The following ANTXR1 variants were observed in gnomAD, a reference collection of about 807,000 sequenced individuals.
ANTXR1 encodes the protein ANTXR cell adhesion molecule 1.
Under a neutral mutation model 78.1 loss-of-function variants are expected in ANTXR1, and 19 were observed. That is an observed-to-expected ratio of 0.24 (90% CI 0.17 to 0.36). The LOEUF is 0.36. Ranked by LOEUF, ANTXR1 falls within the 10% of genes least tolerant of loss-of-function variation. The pLI is 1.00. For missense variants in ANTXR1, 518 were observed against 718.6 expected, an observed-to-expected ratio of 0.72 and a Z score of 3.19; for synonymous variants, 273 against 260.5, an observed-to-expected ratio of 1.05 and a Z score of -0.46.
chr2:69,145,734 A>C, intron 12 of ANTXR1: 7 of 1,048,946 alleles, frequency 6.7e-6, no homozygotes, highest in Non-Finnish European at 8.0e-6. Flanking sequence ...TCTCCATTCT[A>C]TCCTCCTCCC....
chr2:69,131,860 CA>C (rs1211424470), intron 12 of ANTXR1, among the ~76,000 whole-genome samples: 1 of 152,116 alleles, frequency 6.6e-6, no homozygotes, highest in African/African-American at 2.4e-5. Flanking sequence ...CATAATTTAA[CA>C]GGGGAAAAAA....
chr2:69,211,497 C>T (rs1438549976), intron 17 of ANTXR1, among the ~76,000 whole-genome samples: 2 of 152,238 alleles, frequency 1.3e-5, no homozygotes, highest in Non-Finnish European at 2.9e-5. Context: ...GTTCCCACTG[C>T]CTGCCCACAC....
chr2:69,061,732 T>C lies in ANTXR1; in HGVS notation c.297-8915T>C, dbSNP rs558918664. On this transcript the variant is annotated intron_variant, in intron 3 of 17. Coordinates refer to ENST00000303714, the MANE Select transcript of ANTXR1 (RefSeq NM_032208.3). ...AAATAGGTCAGTAGCTAGAGGGAGATGTGGGATCAAAGAGGACTTTAAAAA... is the reference window on the plus strand; with the variant it reads ...AAATAGGTCAGTAGCTAGAGGGAGACGTGGGATCAAAGAGGACTTTAAAAA... 4.5e-4 allele frequency among the ~76,000 whole-genome samples: 69 copies of C among 152,090 alleles called. 1 individual carries two copies. The highest frequency in any genetic ancestry group is 4.5e-3 in the Admixed American group (69 of 15,262).
chr2:69,189,861 A>G (rs971357509), intron 16 of ANTXR1, among the ~76,000 whole-genome samples: 3 of 152,152 alleles, frequency 2.0e-5, no homozygotes, highest in African/African-American at 7.2e-5. Flanking sequence ...TTCAGTTTAT[A>G]ATGTTTGACT....
chr2:69,179,290 T>A (rs527425400), intron 14 of ANTXR1, among the ~76,000 whole-genome samples: 1 of 152,296 alleles, frequency 6.6e-6, no homozygotes, highest in Admixed American at 6.5e-5. Flanking sequence ...CTCACACCTG[T>A]AATCCCAGCA....
chr2:69,164,858 C>A (rs1230850725), intron 13 of ANTXR1, among the ~76,000 whole-genome samples: 1 of 152,148 alleles, frequency 6.6e-6, no homozygotes, highest in East Asian at 1.9e-4. Flanking sequence ...GCGGGGACAC[C>A]AAAATTTTTA....
At chr2:69,066,147 G>A (rs1024367980) in intron 3 of ANTXR1, among the ~76,000 whole-genome samples, 1 of 152,210 alleles carries the variant, frequency 6.6e-6, no homozygotes, top group Non-Finnish European at 1.5e-5. Context: ...GGTGATGGAG[G>A]TTGTTTTTAT....
chr2:69,103,938 A>ATTTT (rs72060440), intron 10 of ANTXR1, among the ~76,000 whole-genome samples: 7,990 of 133,786 alleles, frequency 0.06, 312 homozygotes, highest in Non-Finnish European at 0.077. Context: ...CTGATAGCCT[A>ATTTT]TTTTTTTTTT....
intron 10 of ANTXR1, among the ~76,000 whole-genome samples, chr2:69,117,248 G>C (rs1672173143): frequency 6.6e-6 from 1 of 152,220 alleles, no homozygotes; most frequent in South Asian, 2.1e-4. Flanking sequence ...TACATTATAA[G>C]ACTAGCTGGG....
chr2:69,103,997 G>A (rs1033104023), intron 10 of ANTXR1, among the ~76,000 whole-genome samples: 8 of 146,936 alleles, frequency 5.4e-5, no homozygotes, highest in African/African-American at 2.1e-4. Flanking sequence ...GGAGTACAAT[G>A]GCACGATCTC....
intron 17 of ANTXR1, among the ~76,000 whole-genome samples, chr2:69,228,837 T>C (rs759890095): frequency 1.3e-5 from 2 of 152,196 alleles, no homozygotes; most frequent in Non-Finnish European, 2.9e-5. Context: ...TTTAGGATGC[T>C]TCTCTTAGTG....
chr2:69,067,710 C>A (rs542986680), intron 3 of ANTXR1, among the ~76,000 whole-genome samples: 1 of 152,252 alleles, frequency 6.6e-6, no homozygotes, highest in East Asian at 1.9e-4. Context: ...CCCAGCCTCC[C>A]CGTCATGTCC....
At position 69,170,292 on chromosome 2, in the gene ANTXR1, A is replaced by G; in HGVS notation, c.1089+3A>G. 5.0e-6 allele frequency: 8 copies of G among 1,614,000 alleles called. No individual in the cohort carries two copies. Among genetic ancestry groups the G allele is most frequent in the Non-Finnish European group, 5.1e-6 (6 of 1,180,010 alleles). On this transcript the variant is annotated splice_donor_region_variant and intron_variant, in intron 14 of 17. Coordinates refer to ENST00000303714, the MANE Select transcript of ANTXR1 (RefSeq NM_032208.3). ...CACCCCCTGCCGAGGAGAGTGAGGT[A>G]AGTGACCACAGCAGGATGGCAGTGG...
chr2:69,211,229 T>C (rs1376126238), intron 17 of ANTXR1, among the ~76,000 whole-genome samples: 1 of 152,216 alleles, frequency 6.6e-6, no homozygotes, highest in Non-Finnish European at 1.5e-5. Context: ...CTCCAGCCAG[T>C]GAAAACATTT....
intron 10 of ANTXR1, among the ~76,000 whole-genome samples, chr2:69,106,407 TGGGAATAAAAAC>T (rs1266792011): frequency 1.2e-4 from 18 of 152,124 alleles, no homozygotes; most frequent in African/African-American, 3.6e-4. Flanking sequence ...GGAAACAAAA[TGGGAATAAAAAC>T]CTAAGTAAGA....
At chr2:69,126,775 C>G (rs957714044) in intron 12 of ANTXR1, among the ~76,000 whole-genome samples, 1 of 152,160 alleles carries the variant, frequency 6.6e-6, no homozygotes, top group Non-Finnish European at 1.5e-5. Flanking sequence ...TAGAAGAATT[C>G]CCATTGAGTC....
rs141308086 is a variant in ANTXR1, at chr2:69,193,348, C to T, written c.1367C>T (p.Ala456Val). The T allele has an allele frequency of 3.0e-5, 48 of 1,613,674 alleles. No individual in the cohort carries two copies. Among genetic ancestry groups the T allele is most frequent in the Non-Finnish European group, 3.6e-5 (43 of 1,179,894 alleles). Residue 456 changes from alanine (A) to valine (V), a missense_variant, in exon 17 of 18, where the codon GCC (alanine) becomes GTC (valine). Transcript: ENST00000303714. The part of the protein sequence containing the change: ...WYSPIKGKLD[A>V]LWVLLRKGYD... Reference sequence around the variant, plus strand: ...GTTTTATTTCAGGGAAAACTCGATGCCTTGTGGGTCCTACTGAGGAAAGGA... The same window carrying T: ...GTTTTATTTCAGGGAAAACTCGATGTCTTGTGGGTCCTACTGAGGAAAGGA...
intron 10 of ANTXR1, among the ~76,000 whole-genome samples, chr2:69,120,759 G>A (rs1672322541): frequency 1.3e-5 from 2 of 152,154 alleles, no homozygotes; most frequent in African/African-American, 4.8e-5. Context: ...ACTCAATACA[G>A]CGTCACCATT....
intron 3 of ANTXR1, among the ~76,000 whole-genome samples, chr2:69,052,812 T>C (rs1669963509): frequency 6.6e-6 from 1 of 152,164 alleles, no homozygotes; most frequent in African/African-American, 2.4e-5. Flanking sequence ...GAGAGAATGT[T>C]TCATTCAGAT....
Sources: gnomAD v4.1 joint callset for allele counts (sites outside exome capture counted in the v4.1 genomes callset) on GRCh38, gnomAD v4.1.1 for gene constraint, MANE v1.5 for transcripts, NCBI Gene and HGNC (gene_info 2026-07-23, HGNC 2026-07-21) for gene names.